Variants in LNPK observed in about 807,000 individuals in gnomAD.
LNPK encodes the protein lunapark, ER junction formation factor.
A neutral mutation model predicts 55.2 loss-of-function variants in LNPK; 29 were observed. That is an observed-to-expected ratio of 0.53 (90% CI 0.39 to 0.72). The LOEUF (loss-of-function observed/expected upper bound fraction) is 0.72. Ranked by LOEUF, LNPK falls within the 30% of genes least tolerant of loss-of-function variation. The pLI is 0.00. For missense variants in LNPK, 467 were observed against 494.8 expected, an observed-to-expected ratio of 0.94 and a Z score of 0.53; for synonymous variants, 162 against 168.2, an observed-to-expected ratio of 0.96 and a Z score of 0.29.
At chr2:175,977,709 C>T (rs1686973491) in intron 5 of LNPK, among the ~76,000 whole-genome samples, 1 of 151,976 alleles carries the variant, frequency 6.6e-6, no homozygotes, top group Non-Finnish European at 1.5e-5. Flanking sequence ...AAAACCTAAA[C>T]AAATTATGTT....
At position 175,929,682 on chromosome 2, in the gene LNPK, T is replaced by A. The variant is rs1684169284; in HGVS notation, c.*285A>T. The A allele has an allele frequency of 4.2e-6, 5 of 1,197,228 alleles. No homozygotes were observed. In the South Asian group the frequency reaches 1.2e-4, roughly 29 times the overall value. The allele number at this position is 1,197,228 out of a possible 1,614,324, so 74.2% of individuals were successfully genotyped here. ...ATACATACAGAAAACAAGAAGGCAA[T>A]CATGTTTGCTTACTTTTAGAATGGA... On this transcript the variant is annotated 3_prime_UTR_variant, in exon 13 of 13. Coordinates refer to ENST00000272748, the MANE Select transcript of LNPK (RefSeq NM_030650.3).
chr2:175,934,376 T>G (rs1003390005), intron 12 of LNPK, among the ~76,000 whole-genome samples: 1 of 152,148 alleles, frequency 6.6e-6, no homozygotes, highest in Non-Finnish European at 1.5e-5. Flanking sequence ...CAAGTTAAAT[T>G]TTACCTTATA....
At chr2:175,934,838 T>C (rs1684463086) in intron 12 of LNPK, among the ~76,000 whole-genome samples, 1 of 151,824 alleles carries the variant, frequency 6.6e-6, no homozygotes, top group Non-Finnish European at 1.5e-5. Context: ...TAATAATCTA[T>C]TACCAAAGCA....
In LNPK at chr2:175,948,636, T is replaced by A. The variant is rs115572698; in HGVS notation, c.494-944A>T. Among the ~76,000 whole-genome samples the A allele has an allele frequency of 5.6e-3, 857 of 152,366 alleles. 9 individuals carry two copies. Among genetic ancestry groups the A allele is most frequent in the African/African-American group, 0.019 (806 of 41,594 alleles). Reference sequence around the variant, plus strand: ...AGAAGCCTTTATACTTTTTCAATTCTACCTATCACATTAAATTATCACAAA... The same window carrying A: ...AGAAGCCTTTATACTTTTTCAATTCAACCTATCACATTAAATTATCACAAA... On this transcript the variant is annotated intron_variant, in intron 8 of 12. Transcript: ENST00000272748.
At chr2:175,959,232 C>A (rs1017587099) in intron 8 of LNPK, among the ~76,000 whole-genome samples, 1 of 152,136 alleles carries the variant, frequency 6.6e-6, no homozygotes, top group African/African-American at 2.4e-5. Context: ...CAAAGATACT[C>A]CTTGACAAGA....
At chr2:175,964,457 A>C in intron 7 of LNPK, 34 bp from the exon 8 acceptor site, 1 of 1,600,238 alleles carries the variant, frequency 6.2e-7, no homozygotes, top group East Asian at 2.2e-5. Flanking sequence ...ACAGTGACCT[A>C]TTACAATGTG....
intron 9 of LNPK, among the ~76,000 whole-genome samples, chr2:175,940,305 C>T (rs899903349): frequency 1.3e-5 from 2 of 151,486 alleles, no homozygotes; most frequent in Non-Finnish European, 1.5e-5. Context: ...ATATTGAGTT[C>T]ACAAGAAAGG....
At chr2:175,937,237 C>T (rs1359327513) in intron 12 of LNPK, 107 bp downstream of exon 12, 3 of 1,103,408 alleles carry the variant, frequency 2.7e-6, no homozygotes, top group Non-Finnish European at 3.9e-6. Flanking sequence ...CATATGCATG[C>T]AGCAAAATCT....
intron 5 of LNPK, among the ~76,000 whole-genome samples, chr2:175,972,338 A>G (rs1686700447): frequency 6.6e-6 from 1 of 151,886 alleles, no homozygotes; most frequent in South Asian, 2.1e-4. Flanking sequence ...TTTTTTTTTT[A>G]ATTTTGGAAT....
At chr2:175,993,500 T>A (rs545793692) in intron 2 of LNPK, among the ~76,000 whole-genome samples, 3 of 152,176 alleles carry the variant, frequency 2.0e-5, no homozygotes, top group Non-Finnish European at 4.4e-5. Context: ...TTAACCTCAA[T>A]AGAACACACC....
At chr2:175,972,479 T>G (rs1222123901) in intron 5 of LNPK, among the ~76,000 whole-genome samples, 1 of 152,182 alleles carries the variant, frequency 6.6e-6, no homozygotes, top group Non-Finnish European at 1.5e-5. Context: ...TTTCAGATTT[T>G]GAATTTTCAG....
At chr2:175,948,792 T>G (rs757962358) in intron 8 of LNPK, among the ~76,000 whole-genome samples, 1 of 152,182 alleles carries the variant, frequency 6.6e-6, no homozygotes, top group Admixed American at 6.5e-5. Context: ...TTCATTGCAA[T>G]TGAAAGTACA....
chr2:175,943,382 T>A (rs1684955754), intron 9 of LNPK, among the ~76,000 whole-genome samples: 1 of 151,880 alleles, frequency 6.6e-6, no homozygotes, highest in Non-Finnish European at 1.5e-5. Flanking sequence ...TACTTACTCA[T>A]AACGTTATGA....
In LNPK at chr2:175,962,342, G is replaced by A. The variant is rs191789542; in HGVS notation, c.493+2030C>T. On this transcript the variant is annotated intron_variant, in intron 8 of 12. Transcript: ENST00000272748. ...CAGTAACCAAAACAGCATGGTACTC[G>A]TACCACAACAGATATATAGACCAAT... Among the ~76,000 whole-genome samples, 167 of 152,194 alleles carry A rather than the reference G, an allele frequency of 1.1e-3. 1 individual carries two copies. The highest frequency in any genetic ancestry group is 3.5e-3 in the African/African-American group (144 of 41,526).
intron 1 of LNPK, among the ~76,000 whole-genome samples, chr2:175,996,241 T>C (rs190633605): frequency 1.1e-4 from 16 of 152,318 alleles, no homozygotes; most frequent in Middle Eastern, 3.4e-3. Flanking sequence ...TTTTCTATCC[T>C]TTAAAATAGG....
intron 12 of LNPK, among the ~76,000 whole-genome samples, chr2:175,934,432 G>C (rs1010120350): frequency 2.0e-5 from 3 of 152,056 alleles, no homozygotes; most frequent in Admixed American, 6.6e-5. Flanking sequence ...GATGCCATGA[G>C]TTTTATTATT....
At chr2:175,931,742 C>T (rs1477155343) in intron 12 of LNPK, among the ~76,000 whole-genome samples, 2 of 152,086 alleles carry the variant, frequency 1.3e-5, no homozygotes, top group Non-Finnish European at 2.9e-5. Flanking sequence ...AGTTAGAAAA[C>T]AGTAAGTCAC....
chr2:175,999,471 G>T (rs560027687), intron 1 of LNPK, among the ~76,000 whole-genome samples: 7 of 152,212 alleles, frequency 4.6e-5, no homozygotes, highest in Non-Finnish European at 8.8e-5. Flanking sequence ...ACAGTGCTTG[G>T]CACATAGTGA....
At chr2:175,978,866 A>AG (rs1318672612) in intron 5 of LNPK, among the ~76,000 whole-genome samples, 1 of 152,304 alleles carries the variant, frequency 6.6e-6, no homozygotes, top group East Asian at 1.9e-4. Context: ...GAGGAGCAAA[A>AG]GGGTCAAGAG....
Sources: gnomAD v4.1 joint callset for allele counts (sites outside exome capture counted in the v4.1 genomes callset) on GRCh38, gnomAD v4.1.1 for gene constraint, MANE v1.5 for transcripts, NCBI Gene and HGNC (gene_info 2026-07-23, HGNC 2026-07-21) for gene names.